NRG1: variants seen among roughly 807,000 people sequenced by gnomAD.
NRG1 encodes the protein pro-neuregulin-1, membrane-bound isoform.
NRG1 carries 18 observed loss-of-function variants against 63.8 expected under a neutral mutation model. That is an observed-to-expected ratio of 0.28 (90% CI 0.19 to 0.42). The LOEUF is 0.42. NRG1 is among the 10% of genes least tolerant of loss of function. The probability of loss-of-function intolerance (pLI) is 1.00; values close to 1 mark genes in which losing one functional copy is unlikely to be tolerated. For synonymous variants in NRG1, 302 were observed against 301.3 expected (o/e 1.00, Z -0.02); for missense variants, 762 against 814.7 (o/e 0.94, Z 0.79).
chr8:32,471,395 T>C (rs13251008), intron 1 of NRG1, among the ~76,000 whole-genome samples: 1 of 152,228 alleles, frequency 6.6e-6, no homozygotes, highest in Admixed American at 6.5e-5. Flanking sequence ...TTGTAATTTG[T>C]CACATTTACA....
Position 32,617,010 on chromosome 8 carries a change from G to A in NRG1, c.502+125G>A, listed in dbSNP as rs1847493761. The A allele has an allele frequency of 5.7e-6, 4 of 704,426 alleles. No individual in the cohort carries two copies. In the East Asian group the frequency reaches 7.7e-5, roughly 14 times the overall value. 43.6% of individuals were successfully genotyped at this position (704,426 alleles called of 1,614,324 possible). A position where few individuals can be genotyped will look rare whatever the true frequency, so the allele number is the denominator to read the frequency against. ...CAGAGTATTGAGTTTGGCAATAGGT[G>A]GTATTTGCTGTTTGGAGTAGAAATG... On this transcript the variant is annotated intron_variant, in intron 5 of 11. Coordinates refer to ENST00000356819, the Ensembl canonical transcript of NRG1.
At chr8:31,717,412 T>TAA (rs34835652) in intron 1 of NRG1, among the ~76,000 whole-genome samples, 1 of 126,326 alleles carries the variant, frequency 7.9e-6, no homozygotes, top group South Asian at 2.7e-4. Context: ...ATCTCGACAT[T>TAA]AAAAAAAAAA....
chr8:32,166,181 T>G (rs1839380920), intron 1 of NRG1, among the ~76,000 whole-genome samples: 1 of 152,212 alleles, frequency 6.6e-6, no homozygotes, highest in Non-Finnish European at 1.5e-5. Context: ...TTATTTGCTA[T>G]ACCCTTGTGC....
chr8:32,692,801 A>AT (rs1477479092), intron 5 of NRG1, among the ~76,000 whole-genome samples: 3 of 152,228 alleles, frequency 2.0e-5, no homozygotes, highest in Non-Finnish European at 4.4e-5. Flanking sequence ...GAGCACCATG[A>AT]TGGGCAGGAG....
At chr8:31,954,442 A>G (rs776803378) in intron 1 of NRG1, among the ~76,000 whole-genome samples, 2 of 152,200 alleles carry the variant, frequency 1.3e-5, no homozygotes, top group Non-Finnish European at 2.9e-5. Flanking sequence ...TTTTATTGTT[A>G]GAAGAGAATG....
At chr8:31,973,864 A>G (rs1410998389) in intron 1 of NRG1, among the ~76,000 whole-genome samples, 1 of 152,200 alleles carries the variant, frequency 6.6e-6, no homozygotes, top group Admixed American at 6.5e-5. Context: ...AGGGAGATCA[A>G]TAAAAGAGAG....
intron 5 of NRG1, among the ~76,000 whole-genome samples, chr8:32,686,111 AT>A (rs1007308147): frequency 1.3e-5 from 2 of 152,206 alleles, no homozygotes; most frequent in African/African-American, 2.4e-5. Flanking sequence ...AGTCTAAGTT[AT>A]TAAACCTCAT....
At chr8:32,628,181 G>C (rs1005216405) in intron 5 of NRG1, among the ~76,000 whole-genome samples, 68 of 152,072 alleles carry the variant, frequency 4.5e-4, no homozygotes, top group African/African-American at 1.6e-3. Flanking sequence ...TGTACCAGGA[G>C]GAACCTGCCT....
intron 1 of NRG1, among the ~76,000 whole-genome samples, chr8:32,028,911 T>G (rs1817863319): frequency 6.6e-6 from 1 of 152,180 alleles, no homozygotes. Flanking sequence ...AGTTTTTTAG[T>G]AAATATTTTT....
At chr8:32,754,617 A>G in intron 8 of NRG1, 143 bp downstream of exon 8, 1 of 717,728 alleles carries the variant, frequency 1.4e-6, no homozygotes, top group Non-Finnish European at 2.4e-6. Context: ...TTTCCTCTGA[A>G]TAATCCATTT....
At chr8:32,116,971 C>CTAA (rs1832803622) in intron 1 of NRG1, among the ~76,000 whole-genome samples, 1 of 31,546 alleles carries the variant, frequency 3.2e-5, no homozygotes. Context: ...CCTGTCTCTA[C>CTAA]AAAAAAAAAA....
At chr8:31,938,737 C>A in intron 1 of NRG1, among the ~76,000 whole-genome samples, 1 of 152,084 alleles carries the variant, frequency 6.6e-6, no homozygotes, top group East Asian at 1.9e-4. Context: ...TTCTGGAAAT[C>A]AAGGACACAC....
At chr8:31,949,621 T>C (rs1182507510) in intron 1 of NRG1, among the ~76,000 whole-genome samples, 1 of 152,202 alleles carries the variant, frequency 6.6e-6, no homozygotes, top group Non-Finnish European at 1.5e-5. Context: ...CTCCATTTGA[T>C]AGCACCTCTT....
At chr8:32,750,906 A>G (rs1351750911) in intron 7 of NRG1, among the ~76,000 whole-genome samples, 1 of 152,010 alleles carries the variant, frequency 6.6e-6, no homozygotes, top group Non-Finnish European at 1.5e-5. Flanking sequence ...CAGGGAAAAA[A>G]AAAATTGTCC....
intron 1 of NRG1, among the ~76,000 whole-genome samples, chr8:32,459,607 A>T (rs1822063180): frequency 6.6e-6 from 1 of 151,810 alleles, no homozygotes; most frequent in Non-Finnish European, 1.5e-5. Flanking sequence ...TCTAATTAAA[A>T]AAAAAAAAAA....
chr8:32,655,832 T>C (rs1801364386), intron 5 of NRG1, among the ~76,000 whole-genome samples: 1 of 152,084 alleles, frequency 6.6e-6, no homozygotes, highest in Non-Finnish European at 1.5e-5. Flanking sequence ...GTATGTAAAA[T>C]TGTGTTTGTC....
intron 1 of NRG1, among the ~76,000 whole-genome samples, chr8:32,239,393 A>G (rs1394766564): frequency 1.3e-5 from 2 of 152,134 alleles, no homozygotes; most frequent in Admixed American, 1.3e-4. Context: ...TACAGACTTA[A>G]ACATAAAATG....
intron 1 of NRG1, among the ~76,000 whole-genome samples, chr8:32,331,365 CAAAAA>C (rs35510271): frequency 1.7e-5 from 2 of 115,500 alleles, no homozygotes; most frequent in Non-Finnish European, 1.7e-5. Flanking sequence ...ACAAAAAATA[CAAAAA>C]AAAAAAAAAA....
intron 1 of NRG1, among the ~76,000 whole-genome samples, chr8:32,456,065 A>G (rs1821558113): frequency 6.6e-6 from 1 of 152,158 alleles, no homozygotes. Flanking sequence ...TTTATGACTA[A>G]TGCTGTTCTT....
Sources: gnomAD v4.1 joint callset for allele counts (sites outside exome capture counted in the v4.1 genomes callset) on GRCh38, gnomAD v4.1.1 for gene constraint, MANE v1.5 for transcripts, NCBI Gene and HGNC (gene_info 2026-07-23, HGNC 2026-07-21) for gene names.